STAB2: variants seen among roughly 807,000 people sequenced by gnomAD.
STAB2 encodes stabilin-2.
STAB2 carries 288 observed loss-of-function variants against 338.1 expected under a neutral mutation model. The ratio of observed to expected loss-of-function variants is 0.85; its 90% CI spans 0.77 to 0.94. The LOEUF is 0.94. Ranked by LOEUF, STAB2 falls within the 40% of genes least tolerant of loss-of-function variation. STAB2 has a pLI of 0.00. For missense variants in STAB2, 3,141 were observed against 3,210.1 expected, an observed-to-expected ratio of 0.98 and a Z score of 0.52; for synonymous variants, 1,202 against 1,193.3, an observed-to-expected ratio of 1.01 and a Z score of -0.15.
In STAB2 at chr12:103,674,057, C is replaced by T. The variant is rs775087933; in HGVS notation, c.2522C>T (p.Ala841Val). ...TACGTGCAGTTCTGTCACATCCACG[C>T]CACCTGTGAATACAGCAATGGGACA... is the stretch of plus-strand genomic sequence containing the variant. ...GPYVQFCHIH[A>V]TCEYSNGTAS... is the part of the protein sequence containing the mutation. Residue 841 changes from alanine to valine, a missense_variant, in exon 23 of 69, where the codon GCC (alanine) becomes GTC (valine). Physicochemically the swap from Ala to Val is moderately conservative, Grantham distance 64. Transcript: ENST00000388887. 1 of 1,613,160 alleles carries T rather than the reference C, an allele frequency of 6.2e-7. No homozygotes were observed. The highest frequency in any genetic ancestry group is 1.3e-5 in the African/African-American group (1 of 74,906).
At chr12:103,761,073 C>A (rs989380564) in intron 65 of STAB2, among the ~76,000 whole-genome samples, 4 of 152,150 alleles carry the variant, frequency 2.6e-5, no homozygotes, top group Non-Finnish European at 2.9e-5. Context: ...GTGGGTTGGA[C>A]AAATGACCCA....
In STAB2 at chr12:103,654,569, G is replaced by T. The variant is rs1177007067; in HGVS notation, c.1422G>T (p.Lys474Asn). ...TGGTGTTTTAGGACAATCAAATAAA[G>T]CTTAAACTCCATGGAGGCAAAAAGA... Reference protein sequence around the residue: ...IFNSDKDNQIKLKLHGGKKKV... With the variant: ...IFNSDKDNQINLKLHGGKKKV... The change falls in exon 13 of 69, where the codon AAG becomes AAT. Residue 474 changes from lysine (K) to asparagine (N), a missense_variant. By Grantham distance (94) the Lys-to-Asn change is moderately conservative. Coordinates refer to ENST00000388887, the MANE Select transcript of STAB2 (RefSeq NM_017564.10). The T allele has an allele frequency of 1.2e-6, 2 of 1,613,772 alleles. No homozygotes were observed. Among genetic ancestry groups the T allele is most frequent in the South Asian group, 2.2e-5 (2 of 91,038 alleles).
intron 56 of STAB2, among the ~76,000 whole-genome samples, chr12:103,743,453 A>G (rs1882752676): frequency 6.6e-6 from 1 of 152,252 alleles, no homozygotes; most frequent in Non-Finnish European, 1.5e-5. Flanking sequence ...AGAAGCAGGT[A>G]GAAGGGTGAA....
intron 9 of STAB2, among the ~76,000 whole-genome samples, chr12:103,641,164 C>G (rs1459539005): frequency 6.6e-6 from 1 of 152,180 alleles, no homozygotes; most frequent in Non-Finnish European, 1.5e-5. Context: ...TCCAGAGCCC[C>G]CTTCATCTTT....
intron 64 of STAB2, 71 bp from the exon 65 acceptor site, chr12:103,759,062 T>C: frequency 6.2e-7 from 1 of 1,611,968 alleles, no homozygotes; most frequent in South Asian, 1.1e-5. Context: ...TTCTTCGTCA[T>C]CCCCATCATT....
chr12:103,594,374 G>A (rs1956844185), intron 2 of STAB2, 21 bp from the exon 3 acceptor site: 3 of 1,592,928 alleles, frequency 1.9e-6, no homozygotes, highest in African/African-American at 2.7e-5. Flanking sequence ...GTGGGTTAAT[G>A]TCCTCTCTTT....
intron 50 of STAB2, among the ~76,000 whole-genome samples, chr12:103,732,651 C>T (rs1412050568): frequency 3.3e-5 from 5 of 151,908 alleles, no homozygotes; most frequent in Admixed American, 6.6e-5. Flanking sequence ...ACAAAAATAC[C>T]AAAATGTGCA....
At chr12:103,617,038 G>A (rs1957221327) in intron 3 of STAB2, among the ~76,000 whole-genome samples, 1 of 152,128 alleles carries the variant, frequency 6.6e-6, no homozygotes, top group Non-Finnish European at 1.5e-5. Flanking sequence ...CTTTCTTCAT[G>A]ATCTAGCTTT....
At position 103,675,151 on chromosome 12, in the gene STAB2, G is replaced by A. The variant is rs115026189; in HGVS notation, c.2553-777G>A. Among the ~76,000 whole-genome samples the A allele has an allele frequency of 3.3e-3, 508 of 152,194 alleles. 3 individuals carry two copies. Among genetic ancestry groups the A allele is most frequent in the African/African-American group, 0.012 (489 of 41,526 alleles). On this transcript the variant is annotated intron_variant, in intron 23 of 68. Transcript: ENST00000388887. The stretch of plus-strand genomic sequence containing the variant: ...TATATATTTTTTTAATTTTTGTAAG[G>A]CATGTATGACTGAATTTGCAGTAAG...
chr12:103,717,621 A>G (rs1340353307), intron 43 of STAB2, 149 bp from the exon 44 acceptor site: 19 of 653,376 alleles, frequency 2.9e-5, no homozygotes, highest in Middle Eastern at 2.6e-4. Flanking sequence ...GGTGACAATT[A>G]TCATTATAAA....
intron 3 of STAB2, among the ~76,000 whole-genome samples, chr12:103,608,932 A>G (rs1431029499): frequency 6.6e-6 from 1 of 152,222 alleles, no homozygotes; most frequent in Non-Finnish European, 1.5e-5. Context: ...AGCACCATTT[A>G]TTAAATAGGA....
intron 24 of STAB2, 37 bp downstream of exon 24, chr12:103,676,058 CTT>C (rs35874368): frequency 0.059 from 38,530 of 657,992 alleles, 7 homozygotes; most frequent in Non-Finnish European, 0.063. Context: ...TGCCTGGTTT[CTT>C]TTTTTTTTTT....
intron 18 of STAB2, among the ~76,000 whole-genome samples, chr12:103,663,880 A>G (rs1000924024): frequency 6.6e-6 from 1 of 152,232 alleles, no homozygotes; most frequent in Admixed American, 6.5e-5. Flanking sequence ...ATTTAGGATC[A>G]GTCTCCTGCC....
In STAB2 at chr12:103,691,932, T is replaced by C. The variant is rs532900149; in HGVS notation, c.3298-880T>C. Among the ~76,000 whole-genome samples, 27 of 152,042 alleles carry C rather than the reference T, an allele frequency of 1.8e-4. No individual in the cohort carries two copies. The East Asian group carries it at 4.5e-3, about 25-fold the overall frequency. On this transcript the variant is annotated intron_variant, in intron 30 of 68. Transcript: ENST00000388887. ...TGAGTGGGTGGGTGGGTGGGTTGGA[T>C]TTTACTTAGCCCCATTTCTTATGCA...
chr12:103,760,619 A>G (rs1884465623), intron 65 of STAB2, among the ~76,000 whole-genome samples: 2 of 152,114 alleles, frequency 1.3e-5, no homozygotes, highest in Admixed American at 6.5e-5. Flanking sequence ...GATGATGGTG[A>G]TGATACTGAT....
intron 39 of STAB2, 114 bp downstream of exon 39, chr12:103,708,650 C>A: frequency 1.0e-6 from 1 of 979,034 alleles, no homozygotes; most frequent in Non-Finnish European, 1.5e-6. Context: ...TGGCAATAAA[C>A]ATGATTCTTT....
intron 42 of STAB2, among the ~76,000 whole-genome samples, chr12:103,715,090 T>C (rs1257397373): frequency 6.6e-6 from 1 of 152,202 alleles, no homozygotes; most frequent in Non-Finnish European, 1.5e-5. Flanking sequence ...GGGAATAATA[T>C]CCTCCACCTC....
At chr12:103,626,417 C>T (rs768926929) in intron 5 of STAB2, among the ~76,000 whole-genome samples, 2 of 152,152 alleles carry the variant, frequency 1.3e-5, no homozygotes, top group African/African-American at 2.4e-5. Flanking sequence ...GCTGTGTTAC[C>T]GAGGGCAAGC....
intron 8 of STAB2, 90 bp from the exon 9 acceptor site, chr12:103,640,033 A>G (rs1433263069): frequency 1.4e-6 from 2 of 1,464,022 alleles, no homozygotes; most frequent in African/African-American, 1.4e-5. Flanking sequence ...GTGAGTTTTT[A>G]TGGAAGAATA....
Sources: allele counts gnomAD v4.1 joint callset (sites outside exome capture counted in the v4.1 genomes callset), GRCh38; gene constraint gnomAD v4.1.1; transcripts MANE v1.5; gene names NCBI Gene and HGNC (gene_info 2026-07-23, HGNC 2026-07-21).